ARHGAP26: variants seen among roughly 807,000 people sequenced by gnomAD.
ARHGAP26 encodes rho GTPase-activating protein 26.
A neutral mutation model predicts 104.8 loss-of-function variants in ARHGAP26; 38 were observed. That is an observed-to-expected ratio of 0.36 (90% confidence interval 0.28 to 0.48). ARHGAP26 has a LOEUF of 0.48. Ranked by LOEUF, ARHGAP26 falls within the 20% of genes least tolerant of loss-of-function variation. ARHGAP26 has a pLI of 0.99. For missense variants in ARHGAP26, 704 were observed against 947.9 expected, an observed-to-expected ratio of 0.74 and a Z score of 3.38; for synonymous variants, 341 against 340.0, an observed-to-expected ratio of 1.00 and a Z score of -0.03.
intron 11 of ARHGAP26, among the ~76,000 whole-genome samples, chr5:142,996,133 A>T (rs1212924505): frequency 6.6e-6 from 1 of 152,218 alleles, no homozygotes; most frequent in East Asian, 1.9e-4. Context: ...TGGCACATGT[A>T]TACCTATGTA....
At chr5:143,213,342 C>T (rs980327169) in intron 21 of ARHGAP26, among the ~76,000 whole-genome samples, 15 of 152,146 alleles carry the variant, frequency 9.9e-5, no homozygotes, top group Non-Finnish European at 2.2e-4. Context: ...TCCTCCTCCC[C>T]ACACTCCCCA....
At chr5:143,058,110 T>C (rs1786127483) in intron 17 of ARHGAP26, 2 of 464,390 alleles carry the variant, frequency 4.3e-6, no homozygotes, top group East Asian at 8.2e-5. Context: ...AACAAAAATA[T>C]GTTGTGGGTT....
intron 11 of ARHGAP26, among the ~76,000 whole-genome samples, chr5:143,009,790 G>A (rs747451438): frequency 3.3e-5 from 5 of 152,146 alleles, no homozygotes; most frequent in Non-Finnish European, 7.4e-5. Flanking sequence ...AAACCCAAAG[G>A]AGATAATGTT....
At chr5:142,876,602 A>G (rs141857508) in intron 3 of ARHGAP26, among the ~76,000 whole-genome samples, 4 of 150,668 alleles carry the variant, frequency 2.7e-5, no homozygotes, top group African/African-American at 9.8e-5. Flanking sequence ...ACATAGTGAG[A>G]CCCCATCTCA....
intron 1 of ARHGAP26, among the ~76,000 whole-genome samples, chr5:142,842,438 G>A (rs1041125027): frequency 2.6e-5 from 4 of 152,050 alleles, no homozygotes; most frequent in Admixed American, 6.5e-5. Flanking sequence ...TTATGCCCCC[G>A]TCTTGTGTGC....
chr5:143,165,845 C>T (rs1052968782), intron 20 of ARHGAP26, among the ~76,000 whole-genome samples: 1 of 152,190 alleles, frequency 6.6e-6, no homozygotes, highest in Non-Finnish European at 1.5e-5. Context: ...GTACGACGAA[C>T]AGTTCCTTGC....
intron 6 of ARHGAP26, among the ~76,000 whole-genome samples, chr5:142,894,843 T>A (rs1221113843): frequency 1.3e-5 from 2 of 152,244 alleles, no homozygotes; most frequent in African/African-American, 2.4e-5. Context: ...GTTTCTCACA[T>A]GGATTTCCCA....
intron 17 of ARHGAP26, among the ~76,000 whole-genome samples, chr5:143,088,830 G>A (rs1790981998): frequency 6.6e-6 from 1 of 152,140 alleles, no homozygotes; most frequent in Admixed American, 6.5e-5. Context: ...AACAAATTCC[G>A]ATTGGCTAAT....
rs1477073139 is a variant in ARHGAP26 at position 142,871,336 on chromosome 5, C to A, written c.155-2064C>A. ...ACTCCCTGATCCTCCTGGCAGCTGC[C>A]CTTGGCAGTGCGGCTTTTCAGGTGT... is the stretch of plus-strand genomic sequence containing the variant. On this transcript the variant is annotated intron_variant, in intron 1 of 22. Coordinates refer to ENST00000645722, the MANE Select transcript of ARHGAP26 (RefSeq NM_001135608.3). This position sits in a 1 kb window ranked among gnomAD's most constrained non-coding sequence, Gnocchi z 4.1. 6.6e-6 allele frequency among the ~76,000 whole-genome samples: 1 copy of A among 152,234 alleles called. No homozygotes were observed. Among genetic ancestry groups the A allele is most frequent in the Non-Finnish European group, 1.5e-5 (1 of 68,042 alleles).
intron 1 of ARHGAP26, among the ~76,000 whole-genome samples, chr5:142,808,286 T>G (rs1763420429): frequency 7.1e-6 from 1 of 141,040 alleles, no homozygotes; most frequent in African/African-American, 2.6e-5. Context: ...ATGTTGTATT[T>G]TAGGAGAACA....
chr5:142,851,169 T>G (rs1751439476), intron 1 of ARHGAP26, among the ~76,000 whole-genome samples: 1 of 151,668 alleles, frequency 6.6e-6, no homozygotes, highest in Admixed American at 6.6e-5. Context: ...TGATCTCGGC[T>G]CACTGCAAGC....
intron 10 of ARHGAP26, among the ~76,000 whole-genome samples, chr5:142,929,699 C>A (rs540690974): frequency 7.9e-5 from 12 of 152,338 alleles, no homozygotes; most frequent in African/African-American, 2.9e-4. Context: ...CCCTTCACAG[C>A]CTCTGAGGTT....
At chr5:143,033,899 C>T (rs1460922344) in intron 12 of ARHGAP26, among the ~76,000 whole-genome samples, 2 of 152,180 alleles carry the variant, frequency 1.3e-5, no homozygotes, top group Non-Finnish European at 2.9e-5. Context: ...TGGGAAACTC[C>T]TTTAGCACAA....
At chr5:143,163,208 A>T (rs549183642) in intron 20 of ARHGAP26, among the ~76,000 whole-genome samples, 3 of 152,308 alleles carry the variant, frequency 2.0e-5, no homozygotes, top group East Asian at 1.9e-4. Flanking sequence ...GATCAGATCT[A>T]CGTATGTGGG....
intron 20 of ARHGAP26, among the ~76,000 whole-genome samples, chr5:143,199,212 T>C (rs1273149527): frequency 6.6e-6 from 1 of 152,168 alleles, no homozygotes; most frequent in Non-Finnish European, 1.5e-5. Context: ...ACAGTCAAGC[T>C]CAGGGACTTG....
At chr5:142,813,208 G>A (rs829543) in intron 1 of ARHGAP26, among the ~76,000 whole-genome samples, 1 of 152,182 alleles carries the variant, frequency 6.6e-6, no homozygotes, top group African/African-American at 2.4e-5. Flanking sequence ...CCCAGAGTGC[G>A]GGGATTACAG....
chr5:143,161,767 A>T (rs1801266794), intron 20 of ARHGAP26, among the ~76,000 whole-genome samples: 1 of 152,118 alleles, frequency 6.6e-6, no homozygotes, highest in Admixed American at 6.6e-5. Flanking sequence ...GGTAGAAGTG[A>T]TATTGTTTGT....
intron 17 of ARHGAP26, among the ~76,000 whole-genome samples, chr5:143,119,442 A>G (rs974386886): frequency 1.3e-5 from 2 of 152,166 alleles, no homozygotes; most frequent in African/African-American, 4.8e-5. Flanking sequence ...GCTTGTAAAT[A>G]TGCATACTTG....
At chr5:142,771,512 C>T (rs991812861) in intron 1 of ARHGAP26, 13 of 902,962 alleles carry the variant, frequency 1.4e-5, no homozygotes, top group Non-Finnish European at 1.9e-5. Flanking sequence ...GGAATCAGTA[C>T]GTGCGCAGGT....
Sources: gnomAD v4.1 joint callset for allele counts (sites outside exome capture counted in the v4.1 genomes callset) on GRCh38, gnomAD v4.1.1 for gene constraint, Gnocchi (gnomAD v3.1) non-coding constraint, MANE v1.5 for transcripts, NCBI Gene and HGNC (gene_info 2026-07-23, HGNC 2026-07-21) for gene names.